The following MCM9 variants were observed in gnomAD, a reference collection of about 807,000 sequenced individuals.
MCM9 encodes minichromosome maintenance 9 homologous recombination repair factor.
A neutral mutation model predicts 72.8 loss-of-function variants in MCM9; 55 were observed. The observed-to-expected ratio is 0.76, with a 90% confidence interval of 0.61 to 0.95. MCM9 has a LOEUF of 0.95. Ranked by LOEUF, MCM9 falls within the 40% of genes least tolerant of loss-of-function variation. The pLI, the probability that MCM9 is intolerant of heterozygous loss-of-function variation, is 0.00. For missense variants in MCM9, 1,279 were observed against 1,377.0 expected, an observed-to-expected ratio of 0.93 and a Z score of 1.13; for synonymous variants, 480 against 503.4, an observed-to-expected ratio of 0.95 and a Z score of 0.62.
intron 8 of MCM9, among the ~76,000 whole-genome samples, chr6:118,890,128 T>C (rs185279793): frequency 2.2e-4 from 33 of 152,248 alleles, no homozygotes; most frequent in Admixed American, 5.2e-4. Flanking sequence ...TCTCCTTCTC[T>C]CTCCCAGTAT....
At chr6:118,898,001 T>C (rs533973963) in intron 8 of MCM9, among the ~76,000 whole-genome samples, 112 of 152,198 alleles carry the variant, frequency 7.4e-4, no homozygotes, top group Non-Finnish European at 1.4e-3. Context: ...CTGCTCTCAC[T>C]TCCCCTGCAA....
chr6:118,864,285 A>C (rs553487038), intron 8 of MCM9, among the ~76,000 whole-genome samples: 4 of 152,284 alleles, frequency 2.6e-5, no homozygotes, highest in African/African-American at 9.6e-5. Context: ...CTTAGCTTCT[A>C]CTTGTAAGTG....
intron 8 of MCM9, among the ~76,000 whole-genome samples, chr6:118,871,885 G>A (rs937100865): frequency 1.3e-5 from 2 of 151,846 alleles, no homozygotes; most frequent in East Asian, 1.9e-4. Context: ...CCAGCCTGGC[G>A]ACAGAAGGAG....
chr6:118,913,866 G>T (rs2114271931), intron 6 of MCM9, among the ~76,000 whole-genome samples: 1 of 152,220 alleles, frequency 6.6e-6, no homozygotes, highest in African/African-American at 2.4e-5. Context: ...CTCCCAAAGT[G>T]CTGGGATTAC....
chr6:118,845,246 A>G (rs1457222541), intron 9 of MCM9, among the ~76,000 whole-genome samples: 1 of 151,940 alleles, frequency 6.6e-6, no homozygotes, highest in Non-Finnish European at 1.5e-5. Context: ...ATAGGTTTGA[A>G]GATGAATAAA....
Position 118,828,908 on chromosome 6 carries a change from G to C in MCM9, c.1528+140C>G, listed in dbSNP as rs1774347834. 4.6e-6 allele frequency: 4 copies of C among 876,312 alleles called. No homozygotes were observed. The African/African-American group carries it at 6.8e-5, about 15-fold the overall frequency. The allele number at this position is 876,312 out of a possible 1,614,324, so 54.3% of individuals were successfully genotyped here. A position where few individuals can be genotyped will look rare whatever the true frequency, so the allele number is the denominator to read the frequency against. On this transcript the variant is annotated intron_variant, in intron 10 of 13. Transcript: ENST00000619706. ...GGCCCCGTAAGTGGCTCCTCTCACT[G>C]CTTTCTGTCTAAGCTTTTCTCTATT...
chr6:118,836,064 T>C (rs1467705716), intron 9 of MCM9, among the ~76,000 whole-genome samples: 5 of 152,250 alleles, frequency 3.3e-5, no homozygotes, highest in Non-Finnish European at 7.3e-5. Flanking sequence ...TGAAAGGGTA[T>C]TGAATTTTAT....
intron 11 of MCM9, 85 bp from the exon 12 acceptor site, chr6:118,826,949 A>G: frequency 9.8e-7 from 1 of 1,021,896 alleles, no homozygotes; most frequent in African/African-American, 1.6e-5. Flanking sequence ...CACCATTTGT[A>G]TTTTATGAAT....
chr6:118,924,014 C>A lies in MCM9; in HGVS notation c.418G>T (p.Glu140Ter). The change falls in exon 4 of 14, where the codon GAG becomes TAG. Residue 140 changes from glutamate (E) to a stop codon, truncating the protein, a stop_gained. Transcript: ENST00000619706. LOFTEE classifies it high-confidence loss of function. Reference sequence around the variant, plus strand: ...TTACACATGTAATCCCGCTCAAACTCCAGAACCTTCACCAGACTTGTTCGA... The same window carrying A: ...TTACACATGTAATCCCGCTCAAACTACAGAACCTTCACCAGACTTGTTCGA... ...VIRTSLVKVL[E>*]FERDYMCNKC... 3.1e-6 allele frequency: 5 copies of A among 1,614,196 alleles called. No homozygotes were observed. The highest frequency in any genetic ancestry group is 3.4e-6 in the Non-Finnish European group (4 of 1,180,030).
chr6:118,841,777 T>C (rs892129734), intron 9 of MCM9, among the ~76,000 whole-genome samples: 1 of 151,996 alleles, frequency 6.6e-6, no homozygotes, highest in East Asian at 1.9e-4. Context: ...GCAGAAAGCA[T>C]GACATTGTTT....
chr6:118,929,004 G>A (rs191406935), intron 3 of MCM9, among the ~76,000 whole-genome samples: 5 of 152,274 alleles, frequency 3.3e-5, no homozygotes, highest in Admixed American at 2.6e-4. Flanking sequence ...CAGATCACCT[G>A]AGGCCAGGAG....
intron 8 of MCM9, among the ~76,000 whole-genome samples, chr6:118,872,555 T>C (rs1777671921): frequency 6.6e-6 from 1 of 152,026 alleles, no homozygotes; most frequent in Non-Finnish European, 1.5e-5. Context: ...AAGGCTGTAG[T>C]GCACAATGAT....
chr6:118,892,197 A>G (rs1039351365), intron 8 of MCM9, among the ~76,000 whole-genome samples: 1 of 152,256 alleles, frequency 6.6e-6, no homozygotes, highest in African/African-American at 2.4e-5. Context: ...GACAAGCAAT[A>G]ATACAAGAGT....
At chr6:118,911,949 A>C in intron 7 of MCM9, 180 bp from the exon 8 acceptor site, 8 of 455,982 alleles carry the variant, frequency 1.8e-5, no homozygotes, top group Admixed American at 7.8e-5. Context: ...TGATTACTCA[A>C]TGTGACATAG....
At chr6:118,903,988 C>CA (rs1779992829) in intron 8 of MCM9, among the ~76,000 whole-genome samples, 1 of 151,938 alleles carries the variant, frequency 6.6e-6, no homozygotes, top group Non-Finnish European at 1.5e-5. Flanking sequence ...TGGCTGGAGA[C>CA]AAACTGAGAA....
intron 8 of MCM9, among the ~76,000 whole-genome samples, chr6:118,863,263 T>C (rs1777012377): frequency 6.6e-6 from 1 of 152,208 alleles, no homozygotes. Context: ...GAATATTCTG[T>C]CATTACGAGG....
chr6:118,832,790 A>G (rs1774665003), intron 9 of MCM9, among the ~76,000 whole-genome samples: 1 of 152,180 alleles, frequency 6.6e-6, no homozygotes, highest in Non-Finnish European at 1.5e-5. Flanking sequence ...CCTTTACGGG[A>G]TGATCCTCAT....
intron 8 of MCM9, among the ~76,000 whole-genome samples, chr6:118,903,249 T>G (rs1367316641): frequency 1.3e-5 from 2 of 152,162 alleles, no homozygotes; most frequent in African/African-American, 4.8e-5. Context: ...TTAGAATCCG[T>G]TTGGGTACAC....
chr6:118,932,547 T>A (rs1782529931), intron 2 of MCM9, 60 bp downstream of exon 2: 4 of 924,714 alleles, frequency 4.3e-6, no homozygotes, highest in Non-Finnish European at 5.2e-6. Context: ...GTGTGCTCTC[T>A]CTCTCTTTAG....
Sources: allele counts gnomAD v4.1 joint callset (sites outside exome capture counted in the v4.1 genomes callset), GRCh38; gene constraint gnomAD v4.1.1; transcripts MANE v1.5; gene names NCBI Gene and HGNC (gene_info 2026-07-23, HGNC 2026-07-21).